Variants in PHACTR1 observed in about 807,000 individuals in gnomAD.
The protein encoded by PHACTR1 is RPEL repeat containing 1.
Under a neutral mutation model 69.2 loss-of-function variants are expected in PHACTR1, and 16 were observed. That is an observed-to-expected ratio of 0.23 (90% confidence interval 0.16 to 0.35). The LOEUF is 0.35. PHACTR1 is among the 10% of genes least tolerant of loss of function. The pLI, the probability that PHACTR1 is intolerant of heterozygous loss-of-function variation, is 1.00. For missense variants in PHACTR1, 510 were observed against 734.7 expected, an observed-to-expected ratio of 0.69 and a Z score of 3.54; for synonymous variants, 312 against 284.5, an observed-to-expected ratio of 1.10 and a Z score of -0.97.
intron 4 of PHACTR1, among the ~76,000 whole-genome samples, chr6:12,995,419 G>GA (rs1797311671): frequency 6.6e-6 from 1 of 151,008 alleles, no homozygotes; most frequent in Non-Finnish European, 1.5e-5. Flanking sequence ...GCTCAAAGTA[G>GA]AAAAAAAACA....
intron 5 of PHACTR1, among the ~76,000 whole-genome samples, chr6:13,141,948 A>T (rs909755537): frequency 6.6e-6 from 1 of 151,994 alleles, no homozygotes; most frequent in Non-Finnish European, 1.5e-5. Context: ...TCATTAAGTG[A>T]TAAATGCTGG....
chr6:13,239,162 G>A (rs1170541568), intron 10 of PHACTR1, among the ~76,000 whole-genome samples: 6 of 152,186 alleles, frequency 3.9e-5, no homozygotes, highest in Admixed American at 2.0e-4. Context: ...GCTCAGGCCA[G>A]GGAGACTTCC....
intron 10 of PHACTR1, among the ~76,000 whole-genome samples, chr6:13,258,292 T>G (rs1181515363): frequency 6.6e-6 from 1 of 151,144 alleles, no homozygotes; most frequent in East Asian, 1.9e-4. Flanking sequence ...GAGGCGGAGG[T>G]TGTAGTGAGC....
chr6:13,161,536 T>G lies in PHACTR1; in HGVS notation c.496+1252T>G, dbSNP rs188412463. On this transcript the variant is annotated intron_variant, in intron 6 of 14. Coordinates refer to ENST00000332995, the MANE Select transcript of PHACTR1 (RefSeq NM_030948.6). Reference sequence around the variant, plus strand: ...GGCCAGATTATTAAATCACATAATATTCTACTTTAACAATCTGTCCTGATA... The same window carrying G: ...GGCCAGATTATTAAATCACATAATAGTCTACTTTAACAATCTGTCCTGATA... 3.9e-5 allele frequency among the ~76,000 whole-genome samples: 6 copies of G among 151,916 alleles called. No individual in the cohort carries two copies. In the East Asian group the frequency reaches 1.2e-3, roughly 29 times the overall value.
At chr6:13,055,573 C>A (rs1289693370) in intron 5 of PHACTR1, among the ~76,000 whole-genome samples, 2 of 152,134 alleles carry the variant, frequency 1.3e-5, no homozygotes, top group Non-Finnish European at 2.9e-5. Context: ...CCTGACTTTG[C>A]TAAGCAAAAT....
intron 5 of PHACTR1, among the ~76,000 whole-genome samples, chr6:13,141,888 A>C (rs754505737): frequency 6.6e-6 from 1 of 152,114 alleles, no homozygotes; most frequent in Non-Finnish European, 1.5e-5. Context: ...ACAGAAGAAT[A>C]ATTCATTGCC....
At chr6:12,729,548 G>A (rs1032153963) in intron 3 of PHACTR1, among the ~76,000 whole-genome samples, 6 of 152,204 alleles carry the variant, frequency 3.9e-5, no homozygotes, top group African/African-American at 1.4e-4. Context: ...CTGTAGAGGT[G>A]GAGAATGGCG....
intron 4 of PHACTR1, among the ~76,000 whole-genome samples, chr6:12,979,161 G>T (rs1229419898): frequency 6.6e-6 from 1 of 152,202 alleles, no homozygotes; most frequent in Non-Finnish European, 1.5e-5. Flanking sequence ...GTCTGTGTTG[G>T]CCAGAGACTG....
intron 5 of PHACTR1, among the ~76,000 whole-genome samples, chr6:13,121,009 G>C (rs901900623): frequency 1.3e-5 from 2 of 152,148 alleles, no homozygotes; most frequent in African/African-American, 4.8e-5. Flanking sequence ...ATTCAGACAG[G>C]TGCAGCTGAC....
At chr6:12,958,797 C>A (rs1792239586) in intron 4 of PHACTR1, among the ~76,000 whole-genome samples, 1 of 152,176 alleles carries the variant, frequency 6.6e-6, no homozygotes, top group Non-Finnish European at 1.5e-5. Context: ...AAGAGGCATT[C>A]AAGTTTTCAC....
At chr6:13,021,601 C>T (rs1018330858) in intron 4 of PHACTR1, among the ~76,000 whole-genome samples, 1 of 152,210 alleles carries the variant, frequency 6.6e-6, no homozygotes, top group African/African-American at 2.4e-5. Flanking sequence ...GTCTGCCAGA[C>T]TCTTTTCCAA....
chr6:13,247,899 G>A (rs1000951718), intron 10 of PHACTR1, among the ~76,000 whole-genome samples: 5 of 152,176 alleles, frequency 3.3e-5, no homozygotes, highest in Non-Finnish European at 7.3e-5. Context: ...ATGACGTTAT[G>A]AAGGAGCTAC....
intron 5 of PHACTR1, among the ~76,000 whole-genome samples, chr6:13,122,468 T>C (rs1277872151): frequency 6.6e-6 from 1 of 152,194 alleles, no homozygotes; most frequent in Non-Finnish European, 1.5e-5. Flanking sequence ...ATCAGCATGG[T>C]GCTTGTAGGT....
chr6:12,910,193 A>G (rs1173571532), intron 4 of PHACTR1, among the ~76,000 whole-genome samples: 1 of 152,114 alleles, frequency 6.6e-6, no homozygotes, highest in East Asian at 1.9e-4. Flanking sequence ...ATCTTCCTAG[A>G]CGAGCTCTAC....
chr6:12,882,124 G>A (rs1783161333), intron 4 of PHACTR1, among the ~76,000 whole-genome samples: 1 of 152,184 alleles, frequency 6.6e-6, no homozygotes, highest in African/African-American at 2.4e-5. Context: ...GAGAGGGACA[G>A]GGGGATGGAG....
At chr6:13,017,848 C>G (rs1471105269) in intron 4 of PHACTR1, among the ~76,000 whole-genome samples, 2 of 152,048 alleles carry the variant, frequency 1.3e-5, no homozygotes, top group Non-Finnish European at 1.5e-5. Context: ...TGTAATGACA[C>G]TTAAAAAGTA....
At chr6:13,124,977 T>C (rs902435723) in intron 5 of PHACTR1, among the ~76,000 whole-genome samples, 1 of 152,222 alleles carries the variant, frequency 6.6e-6, no homozygotes, top group African/African-American at 2.4e-5. Context: ...AAAGATGTCC[T>C]GGTAGGGTGT....
intron 4 of PHACTR1, among the ~76,000 whole-genome samples, chr6:12,967,687 C>T: frequency 6.6e-6 from 1 of 152,136 alleles, no homozygotes; most frequent in South Asian, 2.1e-4. Context: ...CTTCCATTCC[C>T]TAGAAATGGA....
chr6:12,779,527 T>TTAAA (rs10691503), intron 4 of PHACTR1, among the ~76,000 whole-genome samples: 11,995 of 151,186 alleles, frequency 0.079, 524 homozygotes, highest in Middle Eastern at 0.12. Flanking sequence ...TGACCGCTTC[T>TTAAA]TAAATAAATA....
Sources: allele counts gnomAD v4.1 joint callset (sites outside exome capture counted in the v4.1 genomes callset), GRCh38; gene constraint gnomAD v4.1.1; transcripts MANE v1.5; gene names NCBI Gene and HGNC (gene_info 2026-07-23, HGNC 2026-07-21).